Variants in KIF20A observed in about 807,000 individuals in gnomAD.
KIF20A encodes the protein kinesin-like protein KIF20A.
KIF20A carries 66 observed loss-of-function variants against 113.0 expected under a neutral mutation model. That is an observed-to-expected ratio of 0.58 (90% CI 0.48 to 0.72). KIF20A has a LOEUF of 0.72. Among genes scored for constraint, KIF20A ranks in the 30% least tolerant of loss-of-function variants. The pLI, the probability that KIF20A is intolerant of heterozygous loss-of-function variation, is 0.00. For missense variants in KIF20A, 927 were observed against 1,077.6 expected, an observed-to-expected ratio of 0.86 and a Z score of 1.96; for synonymous variants, 376 against 402.3, an observed-to-expected ratio of 0.93 and a Z score of 0.78.
rs780582649 is a variant in KIF20A at position 138,183,137 on chromosome 5, G to A, written c.833-32G>A. ...CCAAAAGAGAGGTGAACTGCTCTAG[G>A]TTGATGCCCTATACATTGGCTTCTT... is the stretch of plus-strand genomic sequence containing the variant. On this transcript the variant is annotated intron_variant, in intron 7 of 18. Transcript: ENST00000394894. The surrounding 1 kb of genome is among the most constrained non-coding windows in gnomAD (Gnocchi z 5.2). The A allele has an allele frequency of 5.4e-5, 87 of 1,611,122 alleles. No individual in the cohort carries two copies. The highest frequency in any genetic ancestry group is 1.6e-4 in the Middle Eastern group (1 of 6,066).
In KIF20A at chr5:138,183,631, G is replaced by A. The variant is rs777549130; in HGVS notation, c.1139+50G>A. 8.7e-6 allele frequency: 14 copies of A among 1,606,930 alleles called. No homozygotes were observed. In the South Asian group the frequency reaches 1.4e-4, roughly 16 times the overall value. On this transcript the variant is annotated intron_variant, in intron 9 of 18. Coordinates refer to ENST00000394894, the MANE Select transcript of KIF20A (RefSeq NM_005733.3). The surrounding 1 kb of genome is among the most constrained non-coding windows in gnomAD (Gnocchi z 5.2). ...CTTCACTGTGTTCCAGGAAACATTA[G>A]TCCTCTGCCTGGTCATGGAAAATGT...
Position 138,182,932 on chromosome 5 carries a change from C to T in KIF20A, c.774C>T (p.Asp258=), listed in dbSNP as rs1172861612. Residue 258 remains aspartate (D), a synonymous_variant, in exon 7 of 19, where the codon GAC becomes GAT. Transcript: ENST00000394894. ...ESRIGTSTSF[D]SGIAGLSSIS... ...GGATAGGTACCAGCACCAGCTTCGACAGTGGCATTGCTGGGCTCTCTTCTA... is the reference window on the plus strand; with the variant it reads ...GGATAGGTACCAGCACCAGCTTCGATAGTGGCATTGCTGGGCTCTCTTCTA... 1 of 1,614,190 alleles carries T rather than the reference C, an allele frequency of 6.2e-7. No individual in the cohort carries two copies. The highest frequency in any genetic ancestry group is 1.1e-5 in the South Asian group (1 of 91,080).
At chr5:138,184,708 C>A (rs1754716205) in intron 13 of KIF20A, 32 bp downstream of exon 13, 1 of 1,611,294 alleles carries the variant, frequency 6.2e-7, no homozygotes, top group African/African-American at 1.3e-5. Flanking sequence ...AGTGTAGCAG[C>A]TTAGTAGCTA....
rs763467602 is a variant in KIF20A, at chr5:138,181,691, G to C, written c.338G>C (p.Gly113Ala). The C allele has an allele frequency of 6.2e-7, 1 of 1,614,146 alleles. No individual in the cohort carries two copies. Among genetic ancestry groups the C allele is most frequent in the South Asian group, 1.1e-5 (1 of 91,088 alleles). ...TTTGCCCTGAAGAGCAATGAACGGG[G>C]AATTGGCCAAGCCACACACAGGTTC... ...DSFALKSNER[G>A]IGQATHRFTF... Residue 113 changes from glycine to alanine, a missense_variant, in exon 4 of 19, where the codon GGA becomes GCA. Coordinates refer to ENST00000394894, the MANE Select transcript of KIF20A (RefSeq NM_005733.3).
Position 138,183,845 on chromosome 5 carries a change from TCTC to T in KIF20A, c.1208+92_1208+94del. ...GGAGGTCCTCAGGGGAACTATGTGTTCTCCTTCTTTGGGTACAGAGATTCTTAG... is the reference window on the plus strand; with the variant it reads ...GGAGGTCCTCAGGGGAACTATGTGTTCTTCTTTGGGTACAGAGATTCTTAG... On this transcript the variant is annotated intron_variant, in intron 10 of 18. Coordinates refer to ENST00000394894, the MANE Select transcript of KIF20A (RefSeq NM_005733.3). The surrounding 1 kb of genome is among the most constrained non-coding windows in gnomAD (Gnocchi z 5.2). The T allele has an allele frequency of 1.3e-6, 2 of 1,575,046 alleles. No homozygotes were observed. The highest frequency in any genetic ancestry group is 1.1e-5 in the South Asian group (1 of 89,214).
At chr5:138,184,439 TG>T in intron 12 of KIF20A, 35 bp downstream of exon 12, 2 of 1,613,230 alleles carry the variant, frequency 1.2e-6, no homozygotes, top group Non-Finnish European at 1.7e-6. Flanking sequence ...TGTGCGCACT[TG>T]GAACTGGTAA....
At chr5:138,187,039 C>G (rs958869240) in intron 18 of KIF20A, 57 bp from the exon 19 acceptor site, 15 of 1,352,082 alleles carry the variant, frequency 1.1e-5, no homozygotes, top group African/African-American at 2.9e-5. Context: ...TTAGCCCTCT[C>G]GTTTCTCTAA....
In KIF20A at chr5:138,181,710, C is replaced by T. The variant is rs780126861; in HGVS notation, c.357C>T (p.His119=). The T allele has an allele frequency of 1.2e-6, 2 of 1,614,002 alleles. No individual in the cohort carries two copies. Among genetic ancestry groups the T allele is most frequent in the African/African-American group, 1.3e-5 (1 of 75,054 alleles). The change falls in exon 4 of 19, where the codon CAC becomes CAT. Residue 119 remains histidine (H), a synonymous_variant. Transcript: ENST00000394894. ...SNERGIGQAT[H]RFTFSQIFGP... ...AACGGGGAATTGGCCAAGCCACACA[C>T]AGGTTCACCTTTTCCCAGGTATGGA...
In KIF20A at chr5:138,182,366, C is replaced by CTG; in HGVS notation, c.422_423dup (p.Lys142Ter). 1 of 1,614,154 alleles carries CTG rather than the reference C, an allele frequency of 6.2e-7. No homozygotes were observed. Among genetic ancestry groups the CTG allele is most frequent in the Non-Finnish European group, 8.5e-7 (1 of 1,180,012 alleles). On this transcript the variant is annotated frameshift_variant, in exon 5 of 19. Transcript: ENST00000394894. LOFTEE classifies it high-confidence loss of function. ...GGACAGGCATCCTTCTTCAACCTAACTGTGAAGGAGATGGTAAAGGATGTA... is the reference window on the plus strand; with the variant it reads ...GGACAGGCATCCTTCTTCAACCTAACTGTGTGAAGGAGATGGTAAAGGATGTA...
rs773589238 is a variant in KIF20A at position 138,182,478 on chromosome 5, C to G, written c.514+17C>G. The G allele has an allele frequency of 1.5e-5, 24 of 1,612,944 alleles. No homozygotes were observed. In the South Asian group the frequency reaches 2.5e-4, roughly 17 times the overall value. ...CGATTCAAGGTGAGTAGTAAGCCTT[C>G]ACGGGATTCCTGATTGGCTGGTAAT... On this transcript the variant is annotated intron_variant, in intron 5 of 18. Coordinates refer to ENST00000394894, the MANE Select transcript of KIF20A (RefSeq NM_005733.3).
At position 138,184,294 on chromosome 5, in the gene KIF20A, G is replaced by A. The variant is rs765954765; in HGVS notation, c.1408G>A (p.Gly470Ser). Residue 470 changes from glycine (G) to serine (S), a missense_variant, in exon 12 of 19, where the codon GGT (glycine) becomes AGT (serine). Gly to Ser is a moderately conservative substitution (Grantham distance 56, BLOSUM62 0). Coordinates refer to ENST00000394894, the MANE Select transcript of KIF20A (RefSeq NM_005733.3). ...CAGCAAGTTGACTCGAGTGTTCCAAGGTTTCTTCACAGGCCGAGGCCGTTC... is the reference window on the plus strand; with the variant it reads ...CAGCAAGTTGACTCGAGTGTTCCAAAGTTTCTTCACAGGCCGAGGCCGTTC... ...RDSKLTRVFQGFFTGRGRSCM... is the reference protein window; with the variant it reads ...RDSKLTRVFQSFFTGRGRSCM... 7 of 1,614,178 alleles carry A rather than the reference G, an allele frequency of 4.3e-6. No homozygotes were observed. In the South Asian group the frequency reaches 7.7e-5, roughly 18 times the overall value.
intron 17 of KIF20A, 76 bp from the exon 18 acceptor site, chr5:138,186,218 A>G: frequency 6.4e-7 from 1 of 1,552,966 alleles, no homozygotes; most frequent in Non-Finnish European, 8.7e-7. Flanking sequence ...TTCTCTTCAA[A>G]TGGCTACCTG....
chr5:138,185,913 G>C (rs1251744368), intron 16 of KIF20A, 48 bp from the exon 17 acceptor site: 1 of 1,550,876 alleles, frequency 6.4e-7, no homozygotes, highest in Admixed American at 1.7e-5. Context: ...GTTAGTCCAA[G>C]GCTAAAAAAA....
chr5:138,180,429 G>C (rs1457248402), intron 2 of KIF20A, among the ~76,000 whole-genome samples: 1 of 152,164 alleles, frequency 6.6e-6, no homozygotes, highest in Non-Finnish European at 1.5e-5. Context: ...AATGTCTTCA[G>C]GCACTTCAGG....
rs752957108 is a variant in KIF20A, at chr5:138,184,584, G to A, written c.1591G>A (p.Val531Ile). 2 of 1,614,090 alleles carry A rather than the reference G, an allele frequency of 1.2e-6. No homozygotes were observed. The highest frequency in any genetic ancestry group is 1.1e-5 in the South Asian group (1 of 91,082). ...GTTCATCAAGGAACATAGTCTTCAG[G>A]TATCCCCCAGCTTAGAGAAAGGGGC... ...HSFIKEHSLQVSPSLEKGAKA... is the reference protein window; with the variant it reads ...HSFIKEHSLQISPSLEKGAKA... Residue 531 changes from valine (V) to isoleucine (I), a missense_variant, in exon 13 of 19, where the codon GTA (valine) becomes ATA (isoleucine). Transcript: ENST00000394894.
chr5:138,182,802 G>C (rs761609237), intron 6 of KIF20A, 29 bp downstream of exon 6: 1 of 1,613,546 alleles, frequency 6.2e-7, no homozygotes, highest in Non-Finnish European at 8.5e-7. Flanking sequence ...TGGCAGTGGG[G>C]GTAGGGGGTA....
rs1561630564 is a variant in KIF20A at position 138,185,492 on chromosome 5, G to A, written c.1927-20G>A. The stretch of plus-strand genomic sequence containing the variant: ...TTTTTCTGGCTCTGCAAAGAATTGT[G>A]CTCTCTGCTTCCCTCTTAGGAGCGG... On this transcript the variant is annotated intron_variant, in intron 15 of 18. Coordinates refer to ENST00000394894, the MANE Select transcript of KIF20A (RefSeq NM_005733.3). 6.2e-7 allele frequency: 1 copy of A among 1,609,094 alleles called. No homozygotes were observed. The highest frequency in any genetic ancestry group is 1.7e-5 in the Admixed American group (1 of 59,992).
At chr5:138,182,803 G>A (rs1754682266) in intron 6 of KIF20A, 30 bp downstream of exon 6, 2 of 1,613,550 alleles carry the variant, frequency 1.2e-6, no homozygotes, top group Middle Eastern at 1.7e-4. Context: ...GGCAGTGGGG[G>A]TAGGGGGTAC....
Position 138,184,315 on chromosome 5 carries a change from C to T in KIF20A, c.1429C>T (p.Arg477Cys), listed in dbSNP as rs752329282. The change falls in exon 12 of 19, where the codon CGT (arginine) becomes TGT (cysteine). Residue 477 changes from arginine to cysteine, a missense_variant. Arg to Cys is a radical substitution (Grantham distance 180). Coordinates refer to ENST00000394894, the MANE Select transcript of KIF20A (RefSeq NM_005733.3). ...CCAAGGTTTCTTCACAGGCCGAGGCCGTTCCTGCATGATTGTCAATGTGAA... is the reference window on the plus strand; with the variant it reads ...CCAAGGTTTCTTCACAGGCCGAGGCTGTTCCTGCATGATTGTCAATGTGAA... ...VFQGFFTGRG[R>C]SCMIVNVNPC... 1.2e-5 allele frequency: 20 copies of T among 1,614,022 alleles called. No homozygotes were observed. Among genetic ancestry groups the T allele is most frequent in the Middle Eastern group, 1.6e-4 (1 of 6,084 alleles).
Sources: allele counts gnomAD v4.1 joint callset (sites outside exome capture counted in the v4.1 genomes callset), GRCh38; gene constraint gnomAD v4.1.1; non-coding constraint Gnocchi (gnomAD v3.1); transcripts MANE v1.5; gene names NCBI Gene and HGNC (gene_info 2026-07-23, HGNC 2026-07-21).